Variants in RBM20 observed in about 807,000 individuals in gnomAD.
The protein encoded by RBM20 is RNA-binding protein 20.
In RBM20, 51 loss-of-function variants were observed where a neutral mutation model predicts 110.1. The ratio of observed to expected loss-of-function variants is 0.46; its 90% confidence interval spans 0.37 to 0.59. The LOEUF (loss-of-function observed/expected upper bound fraction) is 0.59, where lower values mean the gene tolerates loss of function less well. RBM20 is among the 20% of genes least tolerant of loss of function. The pLI is 0.00. For synonymous variants in RBM20, 589 were observed against 618.2 expected, an observed-to-expected ratio of 0.95 and a Z score of 0.70; for missense variants, 1,512 against 1,574.9, an observed-to-expected ratio of 0.96 and a Z score of 0.68.
At chr10:110,672,051 A>G (rs1590607840) in intron 1 of RBM20, among the ~76,000 whole-genome samples, 2 of 152,002 alleles carry the variant, frequency 1.3e-5, no homozygotes, top group South Asian at 4.2e-4. Flanking sequence ...TTAGGGCCCT[A>G]TTAGGGACTC....
At chr10:110,716,163 T>C (rs533553593) in intron 1 of RBM20, among the ~76,000 whole-genome samples, 6 of 152,334 alleles carry the variant, frequency 3.9e-5, no homozygotes, top group Admixed American at 6.5e-5. Flanking sequence ...TGTGTGAAGG[T>C]CTTGGTCTTT....
chr10:110,739,397 A>G lies in RBM20; in HGVS notation c.192-41404A>G, dbSNP rs1338032714. ...GGGATTCAGCAGTGAACAAAAACAG[A>G]CAAAATTCCCCAACCTCTTAATGTT... On this transcript the variant is annotated intron_variant, in intron 1 of 13. Transcript: ENST00000369519. This position sits in a 1 kb window ranked among gnomAD's most constrained non-coding sequence, Gnocchi z 4.1. Among the ~76,000 whole-genome samples the G allele has an allele frequency of 1.3e-5, 2 of 152,202 alleles. No homozygotes were observed. Among genetic ancestry groups the G allele is most frequent in the African/African-American group, 4.8e-5 (2 of 41,448 alleles).
At chr10:110,693,020 C>G (rs761696090) in intron 1 of RBM20, among the ~76,000 whole-genome samples, 4 of 152,058 alleles carry the variant, frequency 2.6e-5, no homozygotes, top group Non-Finnish European at 4.4e-5. Flanking sequence ...ATTAGATGCT[C>G]ATGAGGTTTT....
chr10:110,817,346 A>G (rs1844853076), intron 9 of RBM20, among the ~76,000 whole-genome samples: 1 of 152,236 alleles, frequency 6.6e-6, no homozygotes, highest in Non-Finnish European at 1.5e-5. Context: ...GCCAGATGCC[A>G]TCTAGAAGCC....
intron 5 of RBM20, among the ~76,000 whole-genome samples, chr10:110,789,388 CTTGT>C (rs1031586820): frequency 3.9e-4 from 58 of 150,132 alleles, no homozygotes; most frequent in African/African-American, 1.3e-3. Flanking sequence ...GTTTCGTTGC[CTTGT>C]TTGTTTATTT....
intron 1 of RBM20, among the ~76,000 whole-genome samples, chr10:110,674,479 G>A (rs1003982414): frequency 1.3e-5 from 2 of 152,162 alleles, no homozygotes; most frequent in Admixed American, 6.5e-5. Context: ...ATTTCCAGAC[G>A]ATGAGCAGAC....
At chr10:110,835,811 TC>T in intron 13 of RBM20, 56 bp from the exon 14 acceptor site, 1 of 1,515,618 alleles carries the variant, frequency 6.6e-7, no homozygotes, top group Non-Finnish European at 9.0e-7. Context: ...TCCTCTCCTC[TC>T]CATCTAGGTC....
intron 5 of RBM20, among the ~76,000 whole-genome samples, chr10:110,793,339 A>G (rs1011799403): frequency 8.5e-5 from 13 of 152,190 alleles, no homozygotes; most frequent in Non-Finnish European, 1.5e-5. Flanking sequence ...ATTTGGAAAG[A>G]TTTTATCTGC....
At chr10:110,663,051 G>C (rs1323009399) in intron 1 of RBM20, among the ~76,000 whole-genome samples, 3 of 151,644 alleles carry the variant, frequency 2.0e-5, no homozygotes, top group African/African-American at 7.3e-5. Flanking sequence ...TGCAACCTCC[G>C]CCTCCCAGGT....
intron 12 of RBM20, among the ~76,000 whole-genome samples, chr10:110,824,360 T>C (rs1157929896): frequency 1.3e-5 from 2 of 152,202 alleles, no homozygotes; most frequent in Non-Finnish European, 2.9e-5. Flanking sequence ...TTTTTCTCTT[T>C]AAAGGACCAA....
intron 2 of RBM20, among the ~76,000 whole-genome samples, chr10:110,782,209 G>A (rs1463927941): frequency 2.0e-5 from 3 of 152,188 alleles, no homozygotes; most frequent in Non-Finnish European, 4.4e-5. Context: ...TCTCGTGGAG[G>A]GCTTCTCCCC....
chr10:110,710,666 GAT>G (rs1168990809), intron 1 of RBM20, among the ~76,000 whole-genome samples: 2 of 152,254 alleles, frequency 1.3e-5, no homozygotes, highest in African/African-American at 4.8e-5. Context: ...GGGGGCAAAT[GAT>G]GGGGCTTCCT....
At chr10:110,656,818 G>T (rs574834520) in intron 1 of RBM20, among the ~76,000 whole-genome samples, 1 of 152,292 alleles carries the variant, frequency 6.6e-6, no homozygotes, top group South Asian at 2.1e-4. Context: ...CCTTTTCACT[G>T]CCGAATAATA....
At chr10:110,727,418 A>T (rs868555241) in intron 1 of RBM20, among the ~76,000 whole-genome samples, 1 of 145,284 alleles carries the variant, frequency 6.9e-6, no homozygotes, top group African/African-American at 2.6e-5. Context: ...AAAATAAAAA[A>T]AAAATAAATA....
intron 1 of RBM20, among the ~76,000 whole-genome samples, chr10:110,723,320 C>T (rs1213491832): frequency 6.6e-6 from 1 of 152,120 alleles, no homozygotes; most frequent in Non-Finnish European, 1.5e-5. Context: ...AACTGCGTAC[C>T]CATTAGCAGT....
intron 1 of RBM20, among the ~76,000 whole-genome samples, chr10:110,722,996 C>A (rs1843525311): frequency 6.6e-6 from 1 of 152,116 alleles, no homozygotes; most frequent in Non-Finnish European, 1.5e-5. Context: ...CCTGTAATCC[C>A]AGCTACTTGG....
chr10:110,783,363 T>C lies in RBM20; in HGVS notation c.1276-3T>C, dbSNP rs1388082258. ...TGGTCACTTTTCTTTCCTTCTGACC[T>C]AGGACTGGGAGCTGCATGTGAAAGG... On this transcript the variant is annotated splice_polypyrimidine_tract_variant and splice_region_variant and intron_variant, in intron 2 of 13. Coordinates refer to ENST00000369519, the MANE Select transcript of RBM20 (RefSeq NM_001134363.3). 5.8e-6 allele frequency: 9 copies of C among 1,550,592 alleles called. No homozygotes were observed. Among genetic ancestry groups the C allele is most frequent in the Non-Finnish European group, 7.9e-6 (9 of 1,146,122 alleles).
At chr10:110,806,609 C>T (rs1307749297) in intron 7 of RBM20, among the ~76,000 whole-genome samples, 2 of 152,220 alleles carry the variant, frequency 1.3e-5, no homozygotes, top group Non-Finnish European at 1.5e-5. Flanking sequence ...TACAATTGAA[C>T]ATGAGATTTG....
In RBM20 at chr10:110,838,414, A is replaced by T. The variant is rs944867685; in HGVS notation, c.*2436A>T. On this transcript the variant is annotated 3_prime_UTR_variant, in exon 14 of 14. Coordinates refer to ENST00000369519, the MANE Select transcript of RBM20 (RefSeq NM_001134363.3). Reference sequence around the variant, plus strand: ...CACAGGTTTGAACCTGGCATTCTGGACACCAGCTATGCCTCCTCCATTTCT... The same window carrying T: ...CACAGGTTTGAACCTGGCATTCTGGTCACCAGCTATGCCTCCTCCATTTCT... 2.0e-5 allele frequency: 3 copies of T among 152,212 alleles called. No individual in the cohort carries two copies. The highest frequency in any genetic ancestry group is 7.2e-5 in the African/African-American group (3 of 41,454). The allele number at this position is 152,212 out of a possible 1,614,324, so 9.4% of individuals were successfully genotyped here. A position where few individuals can be genotyped will look rare whatever the true frequency, so the allele number is the denominator to read the frequency against.
Sources: allele counts gnomAD v4.1 joint callset (sites outside exome capture counted in the v4.1 genomes callset), GRCh38; gene constraint gnomAD v4.1.1; non-coding constraint Gnocchi (gnomAD v3.1); transcripts MANE v1.5; gene names NCBI Gene and HGNC (gene_info 2026-07-23, HGNC 2026-07-21).